MACROD2: variants seen among roughly 807,000 people sequenced by gnomAD.
MACROD2 encodes ADP-ribose glycohydrolase MACROD2.
A neutral mutation model predicts 70.4 loss-of-function variants in MACROD2; 36 were observed. That is an observed-to-expected ratio of 0.51 (90% CI 0.39 to 0.68). The LOEUF (loss-of-function observed/expected upper bound fraction) is 0.68, where lower values mean the gene tolerates loss of function less well. Ranked by LOEUF, MACROD2 falls within the 30% of genes least tolerant of loss-of-function variation. The probability of loss-of-function intolerance (pLI) is 0.00; values close to 1 mark genes in which losing one functional copy is unlikely to be tolerated. For missense variants in MACROD2, 496 were observed against 538.4 expected, an observed-to-expected ratio of 0.92 and a Z score of 0.78; for synonymous variants, 172 against 178.8, an observed-to-expected ratio of 0.96 and a Z score of 0.30.
chr20:14,756,279 T>C (rs1452250408), intron 5 of MACROD2, among the ~76,000 whole-genome samples: 1 of 152,122 alleles, frequency 6.6e-6, no homozygotes, highest in Non-Finnish European at 1.5e-5. Flanking sequence ...TTACTCCTTC[T>C]TCTGGTCTGA....
At chr20:14,067,925 T>A (rs1164881055) in intron 2 of MACROD2, among the ~76,000 whole-genome samples, 1 of 152,236 alleles carries the variant, frequency 6.6e-6, no homozygotes, top group East Asian at 1.9e-4. Flanking sequence ...TTGATTGATC[T>A]CTCTGTGTCT....
intron 7 of MACROD2, among the ~76,000 whole-genome samples, chr20:15,438,243 G>A (rs1189526802): frequency 1.3e-5 from 2 of 152,026 alleles, no homozygotes; most frequent in African/African-American, 4.8e-5. Context: ...TGAGCTCTTT[G>A]AGGAGTCGCC....
intron 3 of MACROD2, among the ~76,000 whole-genome samples, chr20:14,190,696 A>ATG (rs2081378808): frequency 2.5e-5 from 1 of 39,864 alleles, no homozygotes; most frequent in African/African-American, 1.0e-4. Context: ...ATATATATAT[A>ATG]TATTTTTTTT....
rs953233815 is a variant in MACROD2, at chr20:14,085,604, T to C, written c.164-17T>C. 3 of 1,365,908 alleles carry C rather than the reference T, an allele frequency of 2.2e-6. No individual in the cohort carries two copies. Among genetic ancestry groups the C allele is most frequent in the Middle Eastern group, 2.3e-4 (1 of 4,344 alleles). The allele number at this position is 1,365,908 out of a possible 1,614,324, so 84.6% of individuals were successfully genotyped here. A position where few individuals can be genotyped will look rare whatever the true frequency, so the allele number is the denominator to read the frequency against. ...TTAATAATATTATTATTGATATATA[T>C]CCATTTTCTATTACAGAAGAAAATA... On this transcript the variant is annotated splice_polypyrimidine_tract_variant and intron_variant, in intron 2 of 17. Transcript: ENST00000684519.
chr20:14,812,308 A>G (rs2122178893), intron 5 of MACROD2, among the ~76,000 whole-genome samples: 1 of 152,156 alleles, frequency 6.6e-6, no homozygotes, highest in East Asian at 1.9e-4. Context: ...TTCTCAGCAA[A>G]CTAACACAGG....
At chr20:14,088,308 G>A (rs1198023818) in intron 3 of MACROD2, among the ~76,000 whole-genome samples, 2 of 126,352 alleles carry the variant, frequency 1.6e-5, no homozygotes, top group African/African-American at 6.2e-5. Context: ...CCAGCCTGGC[G>A]TCAGAGCGAG....
Position 16,048,637 on chromosome 20 carries a change from A to G in MACROD2, c.1301-1193A>G, listed in dbSNP as rs73241693. Among the ~76,000 whole-genome samples, 2 of 152,124 alleles carry G rather than the reference A, an allele frequency of 1.3e-5. 1 individual carries two copies. The highest frequency in any genetic ancestry group is 1.3e-4 in the Admixed American group (2 of 15,268). On this transcript the variant is annotated intron_variant, in intron 17 of 17. Coordinates refer to ENST00000684519, the MANE Select transcript of MACROD2 (RefSeq NM_001351661.2). ...CACAAGGAAATCCCACCACGATCCC[A>G]CTAGTATTGAATTATAAAGTTAACA... is the stretch of plus-strand genomic sequence containing the variant.
intron 5 of MACROD2, among the ~76,000 whole-genome samples, chr20:15,173,888 CTT>C (rs1404898612): frequency 6.6e-6 from 1 of 152,116 alleles, no homozygotes; most frequent in East Asian, 1.9e-4. Context: ...GCATTGTTGA[CTT>C]TATCTTTCTT....
chr20:14,906,750 A>G (rs2073964478), intron 5 of MACROD2, among the ~76,000 whole-genome samples: 1 of 152,194 alleles, frequency 6.6e-6, no homozygotes, highest in Non-Finnish European at 1.5e-5. Context: ...CAAGTATAAC[A>G]TGTTATTTCT....
rs147049385 is a variant in MACROD2, at chr20:15,032,034, G to A, written c.419-197906G>A. Reference sequence around the variant, plus strand: ...TCCGGAGGGGTTGAGGCGTCAGGGGGCTGTCATGTCAGCGCTGCCTCAAGG... The same window carrying A: ...TCCGGAGGGGTTGAGGCGTCAGGGGACTGTCATGTCAGCGCTGCCTCAAGG... On this transcript the variant is annotated intron_variant, in intron 5 of 17. Coordinates refer to ENST00000684519, the MANE Select transcript of MACROD2 (RefSeq NM_001351661.2). 1.5e-3 allele frequency among the ~76,000 whole-genome samples: 234 copies of A among 152,330 alleles called. No individual in the cohort carries two copies. In the East Asian group the frequency reaches 0.018, roughly 11 times the overall value.
At chr20:14,975,800 T>C (rs1302686985) in intron 5 of MACROD2, among the ~76,000 whole-genome samples, 2 of 152,144 alleles carry the variant, frequency 1.3e-5, no homozygotes, top group Non-Finnish European at 2.9e-5. Flanking sequence ...AAGTTGTATT[T>C]GAACCTGAGC....
chr20:15,426,144 T>G (rs531762941), intron 6 of MACROD2, among the ~76,000 whole-genome samples: 1 of 149,922 alleles, frequency 6.7e-6, no homozygotes, highest in East Asian at 2.0e-4. Flanking sequence ...TTCCCTCCAC[T>G]ATTGTCCTAT....
rs1033162962 is a variant in MACROD2 at position 15,937,513 on chromosome 20, A to C, written c.876A>C (p.Ser292=). 6 of 1,613,330 alleles carry C rather than the reference A, an allele frequency of 3.7e-6. No homozygotes were observed. Among genetic ancestry groups the C allele is most frequent in the South Asian group, 1.1e-5 (1 of 91,070 alleles). The change falls in exon 12 of 18, where the codon TCA becomes TCC. Residue 292 remains serine, a synonymous_variant. Coordinates refer to ENST00000684519, the MANE Select transcript of MACROD2 (RefSeq NM_001351661.2). ...VNTVTVPGPA[S]EEAVEDCKDE... The stretch of plus-strand genomic sequence containing the variant: ...CTGTCACTGTGCCCGGCCCTGCTTC[A>C]GAAGAGGCAGTTGAAGACTGTAAAG...
chr20:15,630,777 C>T (rs1347622275), intron 8 of MACROD2, among the ~76,000 whole-genome samples: 9 of 152,214 alleles, frequency 5.9e-5, no homozygotes, highest in Non-Finnish European at 1.0e-4. Flanking sequence ...TCGCTAAGTT[C>T]TCACCTCAGG....
At chr20:15,777,315 A>G (rs1405850807) in intron 8 of MACROD2, among the ~76,000 whole-genome samples, 2 of 152,076 alleles carry the variant, frequency 1.3e-5, no homozygotes, top group African/African-American at 4.8e-5. Flanking sequence ...AGTTTTATAT[A>G]ATGAGGTTCC....
intron 2 of MACROD2, among the ~76,000 whole-genome samples, chr20:14,034,212 G>A (rs1013265660): frequency 8.5e-5 from 13 of 152,216 alleles, no homozygotes; most frequent in African/African-American, 2.9e-4. Context: ...CTGACCTTGT[G>A]ATCCGCCCGC....
intron 5 of MACROD2, among the ~76,000 whole-genome samples, chr20:15,070,252 T>G (rs1391183980): frequency 6.6e-6 from 1 of 152,194 alleles, no homozygotes; most frequent in Non-Finnish European, 1.5e-5. Context: ...CCATTGTATC[T>G]TGGAAGTAAA....
chr20:14,075,084 G>C (rs2053900069), intron 2 of MACROD2, among the ~76,000 whole-genome samples: 1 of 152,152 alleles, frequency 6.6e-6, no homozygotes, highest in Non-Finnish European at 1.5e-5. Context: ...CAAAGCACAA[G>C]AGTAGTGATG....
intron 8 of MACROD2, among the ~76,000 whole-genome samples, chr20:15,542,557 A>C (rs1340944017): frequency 6.6e-6 from 1 of 152,300 alleles, no homozygotes; most frequent in Non-Finnish European, 1.5e-5. Flanking sequence ...GTAAGGCTTC[A>C]GTGGCCTTCA....
Sources: allele counts gnomAD v4.1 joint callset (sites outside exome capture counted in the v4.1 genomes callset), GRCh38; gene constraint gnomAD v4.1.1; transcripts MANE v1.5; gene names NCBI Gene and HGNC (gene_info 2026-07-23, HGNC 2026-07-21).